The following SYNE2 variants were observed in gnomAD, a reference collection of about 807,000 sequenced individuals.
The protein encoded by SYNE2 is nesprin-2.
Under a neutral mutation model 856.3 loss-of-function variants are expected in SYNE2, and 431 were observed. The observed-to-expected ratio is 0.50, with a 90% CI of 0.47 to 0.55. The LOEUF (loss-of-function observed/expected upper bound fraction) is 0.55, where lower values mean the gene tolerates loss of function less well. Among genes scored for constraint, SYNE2 ranks in the 20% least tolerant of loss-of-function variants. The probability of loss-of-function intolerance (pLI) is 0.00; values close to 1 mark genes in which losing one functional copy is unlikely to be tolerated. For synonymous variants in SYNE2, 2,923 were observed against 2,872.3 expected (o/e 1.02, Z -0.56); for missense variants, 8,129 against 8,023.2 (o/e 1.01, Z -0.50).
chr14:63,799,752 C>T (rs899437034), intron 1 of SYNE2, among the ~76,000 whole-genome samples: 1 of 152,048 alleles, frequency 6.6e-6, no homozygotes, highest in African/African-American at 2.4e-5. Flanking sequence ...AAAAATGTTT[C>T]GTTTATTTGG....
At chr14:64,135,935 C>G (rs1309012275) in intron 78 of SYNE2, among the ~76,000 whole-genome samples, 2 of 152,110 alleles carry the variant, frequency 1.3e-5, no homozygotes, top group Non-Finnish European at 2.9e-5. Context: ...AGTCAACAAA[C>G]CTGTGTTCAA....
chr14:64,199,716 A>C (rs1476694955), intron 99 of SYNE2, among the ~76,000 whole-genome samples: 42 of 149,070 alleles, frequency 2.8e-4, no homozygotes, highest in East Asian at 3.9e-4. Flanking sequence ...TCTGTCTCAA[A>C]AAAAAAAAAA....
chr14:63,887,748 G>GT (rs1434604869), intron 1 of SYNE2, among the ~76,000 whole-genome samples: 69 of 136,532 alleles, frequency 5.1e-4, no homozygotes, highest in Non-Finnish European at 8.2e-4. Context: ...TGTGAGTCCT[G>GT]CTTTTTTTTT....
chr14:64,191,877 C>CT (rs1224319633), intron 99 of SYNE2, among the ~76,000 whole-genome samples: 2 of 152,192 alleles, frequency 1.3e-5, no homozygotes, highest in Admixed American at 1.3e-4. Flanking sequence ...ACTGTGGAAA[C>CT]TTGAGTATGT....
chr14:64,043,349 C>T (rs1413003010), intron 45 of SYNE2, among the ~76,000 whole-genome samples: 1 of 152,136 alleles, frequency 6.6e-6, no homozygotes, highest in African/African-American at 2.4e-5. Context: ...AAGAAAAACC[C>T]ATTTTCTGAG....
At chr14:63,851,989 G>T (rs1167757408), upstream of SYNE2, among the ~76,000 whole-genome samples, 12 of 37,718 alleles carry the variant, frequency 3.2e-4, 1 homozygote, top group Admixed American at 3.2e-4. Context: ...GGGGGGGGGG[G>T]GGGGAATGAA....
At chr14:64,005,934 G>C (rs1041387097) in intron 30 of SYNE2, among the ~76,000 whole-genome samples, 1 of 152,202 alleles carries the variant, frequency 6.6e-6, no homozygotes, top group African/African-American at 2.4e-5. Flanking sequence ...AAACTGAGAA[G>C]GGAGAGGCCA....
chr14:64,220,731 T>C, intron 111 of SYNE2, 94 bp downstream of exon 111: 1 of 1,395,484 alleles, frequency 7.2e-7, no homozygotes, highest in East Asian at 2.4e-5. Flanking sequence ...GCTGCTTCCG[T>C]GCAGCCAAAT....
intron 1 of SYNE2, among the ~76,000 whole-genome samples, chr14:63,834,815 A>T (rs1889791279): frequency 6.7e-6 from 1 of 149,478 alleles, no homozygotes; most frequent in African/African-American, 2.5e-5. Flanking sequence ...TAATTTTTGT[A>T]TTTTTAGTAG....
At chr14:63,766,995 A>C (rs1886709203) in intron 1 of SYNE2, among the ~76,000 whole-genome samples, 1 of 152,240 alleles carries the variant, frequency 6.6e-6, no homozygotes, top group South Asian at 2.1e-4. Context: ...TCTAAATTAA[A>C]TACACCATAT....
intron 26 of SYNE2, 114 bp from the exon 27 acceptor site, chr14:63,998,800 C>T: frequency 5.1e-6 from 6 of 1,166,222 alleles, no homozygotes; most frequent in Non-Finnish European, 7.6e-6. Context: ...TGACCTCAGG[C>T]AATCCACCCG....
chr14:63,814,828 A>T (rs1888825062), intron 1 of SYNE2, among the ~76,000 whole-genome samples: 1 of 137,698 alleles, frequency 7.3e-6, no homozygotes, highest in South Asian at 2.3e-4. Flanking sequence ...ATCCATATAT[A>T]TCCATATACA....
intron 76 of SYNE2, 124 bp downstream of exon 76, chr14:64,130,372 A>C: frequency 4.3e-6 from 4 of 920,584 alleles, no homozygotes; most frequent in Non-Finnish European, 6.8e-6. Context: ...TTCTTTTAAT[A>C]AACATCTATT....
At chr14:64,056,813 G>A (rs1204576772) in intron 49 of SYNE2, among the ~76,000 whole-genome samples, 1 of 152,058 alleles carries the variant, frequency 6.6e-6, no homozygotes, top group Admixed American at 6.6e-5. Flanking sequence ...TGGGATTACA[G>A]GCATATGCCA....
At chr14:63,830,233 TGGTG>T (rs572552829) in intron 1 of SYNE2, among the ~76,000 whole-genome samples, 15,699 of 150,958 alleles carry the variant, frequency 0.1, 895 homozygotes, top group African/African-American at 0.15. Context: ...AGTGGGGTAG[TGGTG>T]ATGGGGTGAA....
Position 64,052,176 on chromosome 14 carries a change from C to T in SYNE2, c.8263C>T (p.Pro2755Ser), listed in dbSNP as rs768199515. The change falls in exon 48 of 116, where the codon CCC becomes TCC. Residue 2755 changes from proline to serine, a missense_variant. Physicochemically the swap from Pro to Ser is moderately conservative, Grantham distance 74 (BLOSUM62 -1). This residue lies in a region of SYNE2 where 5,410 missense variants were observed against 5,284.8 expected (regional missense o/e 1.02). Coordinates refer to ENST00000555002, the MANE Select transcript of SYNE2 (RefSeq NM_182914.3). ...GTTGGGTGAACTTAATCCCTCCATT[C>T]CCCTTCTCCCAGATGACATTCTTTC... ...NLLGELNPSIPLLPDDILSQI... is the reference protein window; with the variant it reads ...NLLGELNPSISLLPDDILSQI... 16 of 1,614,056 alleles carry T rather than the reference C, an allele frequency of 9.9e-6. No homozygotes were observed. The highest frequency in any genetic ancestry group is 1.3e-5 in the Non-Finnish European group (15 of 1,180,054).
chr14:64,091,204 G>T (rs1192870411), intron 60 of SYNE2, among the ~76,000 whole-genome samples, 156 bp downstream of exon 60: 3 of 152,184 alleles, frequency 2.0e-5, no homozygotes, highest in African/African-American at 7.2e-5. Context: ...TGGAGCTAAG[G>T]TTATTTTTCT....
chr14:64,221,524 C>G, intron 111 of SYNE2, 52 bp from the exon 112 acceptor site: 1 of 1,614,088 alleles, frequency 6.2e-7, no homozygotes, highest in East Asian at 2.2e-5. Context: ...CCTGGCACAC[C>G]CTCTTCCAGG....
intron 35 of SYNE2, among the ~76,000 whole-genome samples, chr14:64,020,839 G>GT (rs1215923261): frequency 6.6e-6 from 1 of 152,156 alleles, no homozygotes; most frequent in Non-Finnish European, 1.5e-5. Flanking sequence ...GACCTTCTGG[G>GT]TGAGGTTCCG....
Sources: gnomAD v4.1 joint callset for allele counts (sites outside exome capture counted in the v4.1 genomes callset) on GRCh38, gnomAD v4.1.1 for gene constraint, gnomAD v4.1.1 regional missense constraint, MANE v1.5 for transcripts, NCBI Gene and HGNC (gene_info 2026-07-23, HGNC 2026-07-21) for gene names.